The following JOSD1 variants were observed in gnomAD, a reference collection of about 807,000 sequenced individuals.
JOSD1 encodes the protein Josephin domain containing 1, also known as josephin-1.
In JOSD1, 11 loss-of-function variants were observed where a neutral mutation model predicts 24.3. The observed-to-expected ratio is 0.45, with a 90% CI of 0.29 to 0.75. The LOEUF (loss-of-function observed/expected upper bound fraction) is 0.75, where lower values mean the gene tolerates loss of function less well. JOSD1 is among the 30% of genes least tolerant of loss of function. The probability of loss-of-function intolerance (pLI) is 0.11; values close to 1 mark genes in which losing one functional copy is unlikely to be tolerated. For missense variants in JOSD1, 184 were observed against 253.5 expected (o/e 0.73, Z 1.86); for synonymous variants, 106 against 93.8 (o/e 1.13, Z -0.75).
intron 2 of JOSD1, among the ~76,000 whole-genome samples, chr22:38,693,331 G>T (rs145657930): frequency 1.1e-4 from 17 of 152,168 alleles, no homozygotes; most frequent in African/African-American, 3.9e-4. Flanking sequence ...CTCCTAACCA[G>T]AGGCTCCTTA....
At position 38,700,917 on chromosome 22, in the gene JOSD1, C is replaced by T; in HGVS notation, c.-749G>A. ...CGGTCCCCTCACCGCAGCCGGCCGC[C>T]ACCTGGAGTGCGCGCCGCCAACTGG... On this transcript the variant is annotated 5_prime_UTR_variant, in exon 1 of 5. Coordinates refer to ENST00000683374, the MANE Select transcript of JOSD1 (RefSeq NM_001360236.2). 1.0e-6 allele frequency: 1 copy of T among 984,606 alleles called. No homozygotes were observed. The highest frequency in any genetic ancestry group is 1.2e-6 in the Non-Finnish European group (1 of 829,654). The allele number at this position is 984,606 out of a possible 1,614,324, so 61.0% of individuals were successfully genotyped here. A position where few individuals can be genotyped will look rare whatever the true frequency, so the allele number is the denominator to read the frequency against.
Position 38,700,570 on chromosome 22 carries a change from G to GGGCGCGGCTCCCTCGGAA in JOSD1, c.-601_-584dup, listed in dbSNP as rs1440166901. ...CCCCTCGGGTACGGTGGGGCCCGCA[G>GGGCGCGGCTCCCTCGGAA]GGCGCGGCTCCCTCGGAAGGCGCGG... is the stretch of plus-strand genomic sequence containing the variant. On this transcript the variant is annotated 5_prime_UTR_variant, in exon 2 of 5. Coordinates refer to ENST00000683374, the MANE Select transcript of JOSD1 (RefSeq NM_001360236.2). 1.0e-6 allele frequency: 1 copy of GGGCGCGGCTCCCTCGGAA among 985,254 alleles called. No homozygotes were observed. Among genetic ancestry groups the GGGCGCGGCTCCCTCGGAA allele is most frequent in the African/African-American group, 1.7e-5 (1 of 57,248 alleles). 61.0% of individuals were successfully genotyped at this position (985,254 alleles called of 1,614,324 possible). A position where few individuals can be genotyped will look rare whatever the true frequency, so the allele number is the denominator to read the frequency against.
intron 2 of JOSD1, among the ~76,000 whole-genome samples, chr22:38,695,443 AGTTTT>A (rs2092541404): frequency 9.4e-6 from 1 of 106,554 alleles, no homozygotes; most frequent in African/African-American, 3.2e-5. Context: ...CTTTTTGCCT[AGTTTT>A]TTTTTTTTTT....
intron 2 of JOSD1, among the ~76,000 whole-genome samples, chr22:38,692,502 G>A (rs2092527135): frequency 6.6e-6 from 1 of 152,134 alleles, no homozygotes; most frequent in Admixed American, 6.6e-5. Context: ...CACACTGCCA[G>A]GTGCAGTGGC....
At position 38,687,675 on chromosome 22, in the gene JOSD1, G is replaced by A. The variant is rs2145801732; in HGVS notation, c.*227C>T. 2.4e-5 allele frequency: 12 copies of A among 494,594 alleles called. No homozygotes were observed. In the South Asian group the frequency reaches 4.4e-4, roughly 18 times the overall value. 30.6% of individuals were successfully genotyped at this position (494,594 alleles called of 1,614,324 possible). Reference sequence around the variant, plus strand: ...TCTCTTAAATAAAACAAGGGTTTGTGACCACTGGCCTTAAGTGCACAGAAC... The same window carrying A: ...TCTCTTAAATAAAACAAGGGTTTGTAACCACTGGCCTTAAGTGCACAGAAC... On this transcript the variant is annotated 3_prime_UTR_variant, in exon 5 of 5. Coordinates refer to ENST00000683374, the MANE Select transcript of JOSD1 (RefSeq NM_001360236.2).
chr22:38,690,640 T>C (rs1356342161), intron 2 of JOSD1, among the ~76,000 whole-genome samples: 1 of 152,058 alleles, frequency 6.6e-6, no homozygotes, highest in Admixed American at 6.6e-5. Context: ...CTCCTAACCT[T>C]GTGATCCACC....
rs57064558 is a variant in JOSD1 at position 38,689,912 on chromosome 22, CTGTGTGTGTGTG to C, written c.186-500_186-489del. Among the ~76,000 whole-genome samples the C allele has an allele frequency of 4.6e-4, 66 of 144,632 alleles. No individual in the cohort carries two copies. The East Asian group carries it at 6.1e-3, about 13-fold the overall frequency. 94.9% of individuals were successfully genotyped at this position (144,632 alleles called of 152,430 possible). A position where few individuals can be genotyped will look rare whatever the true frequency, so the allele number is the denominator to read the frequency against. ...AATGCACGACCCACCTAAAGGCATTCTGTGTGTGTGTGTGTGTGTGTGTGTGTGTGTGTGTAG... is the reference window on the plus strand; with the variant it reads ...AATGCACGACCCACCTAAAGGCATTCTGTGTGTGTGTGTGTGTGTGTGTAG... On this transcript the variant is annotated intron_variant, in intron 2 of 4. Transcript: ENST00000683374.
Position 38,689,146 on chromosome 22 carries a change from G to C in JOSD1, c.315-17C>G, listed in dbSNP as rs369308311. 1.8e-5 allele frequency: 29 copies of C among 1,608,942 alleles called. No individual in the cohort carries two copies. Among genetic ancestry groups the C allele is most frequent in the Non-Finnish European group, 2.3e-5 (27 of 1,176,156 alleles). On this transcript the variant is annotated splice_polypyrimidine_tract_variant and intron_variant, in intron 3 of 4. Coordinates refer to ENST00000683374, the MANE Select transcript of JOSD1 (RefSeq NM_001360236.2). The stretch of plus-strand genomic sequence containing the variant: ...CCGACATCCCTGCAGGGGAGAAATG[G>C]TGGCAGGCTCTGATGCAGCCCATTT...
chr22:38,688,765 C>T (rs915869140), intron 4 of JOSD1, among the ~76,000 whole-genome samples, 170 bp downstream of exon 4: 8 of 152,258 alleles, frequency 5.3e-5, no homozygotes, highest in South Asian at 4.1e-4. Flanking sequence ...AGTACTGATG[C>T]GCCATTGAAG....
At chr22:38,693,891 T>C (rs773753368) in intron 2 of JOSD1, among the ~76,000 whole-genome samples, 5 of 152,232 alleles carry the variant, frequency 3.3e-5, no homozygotes, top group South Asian at 2.1e-4. Context: ...ACACTAACTG[T>C]GGGATTTAAT....
chr22:38,688,092 C>T, intron 4 of JOSD1, 91 bp from the exon 5 acceptor site: 1 of 813,204 alleles, frequency 1.2e-6, no homozygotes, highest in Non-Finnish European at 2.1e-6. Context: ...TCACTCTACC[C>T]TCGGCAGTCC....
chr22:38,697,660 A>G (rs1469126828), intron 2 of JOSD1, among the ~76,000 whole-genome samples: 2 of 152,272 alleles, frequency 1.3e-5, no homozygotes, highest in Non-Finnish European at 2.9e-5. Flanking sequence ...GGCAGGTTCT[A>G]GAGTCAAAAG....
At chr22:38,691,082 T>C (rs894085657) in intron 2 of JOSD1, among the ~76,000 whole-genome samples, 1 of 151,806 alleles carries the variant, frequency 6.6e-6, no homozygotes, top group African/African-American at 2.4e-5. Flanking sequence ...CCCATGCTCC[T>C]GGCCGGGAGT....
intron 2 of JOSD1, among the ~76,000 whole-genome samples, chr22:38,696,066 GA>G (rs1227694138): frequency 1.3e-5 from 2 of 152,028 alleles, no homozygotes; most frequent in Admixed American, 6.5e-5. Context: ...CGGGTGGGGG[GA>G]AAAATCCTAT....
At chr22:38,689,945 T>TGTGC (rs1394804340) in intron 2 of JOSD1, among the ~76,000 whole-genome samples, 1 of 150,504 alleles carries the variant, frequency 6.6e-6, no homozygotes, top group African/African-American at 2.4e-5. Flanking sequence ...TGTGTGTGTG[T>TGTGC]GTAGTACTTG....
At position 38,699,963 on chromosome 22, in the gene JOSD1, CTCCTTT is replaced by C. The variant is rs746359525; in HGVS notation, c.19_24del (p.Lys7_Gly8del). ...TCCAATGATTCAGATTTGGCCTTGT[CTCCTTT>C]CCATGGCACACAACTCATGTTTTTT... On this transcript the variant is annotated inframe_deletion, in exon 2 of 5. Coordinates refer to ENST00000683374, the MANE Select transcript of JOSD1 (RefSeq NM_001360236.2). 3 of 1,610,732 alleles carry C rather than the reference CTCCTTT, an allele frequency of 1.9e-6. No individual in the cohort carries two copies. In the South Asian group the frequency reaches 3.3e-5, roughly 18 times the overall value.
At chr22:38,698,146 T>A (rs1405781011) in intron 2 of JOSD1, among the ~76,000 whole-genome samples, 1 of 152,206 alleles carries the variant, frequency 6.6e-6, no homozygotes, top group African/African-American at 2.4e-5. Flanking sequence ...GTAGGAGAAA[T>A]ACTAATGGCT....
chr22:38,689,989 C>T (rs964957403), intron 2 of JOSD1, among the ~76,000 whole-genome samples: 10 of 150,270 alleles, frequency 6.7e-5, no homozygotes, highest in Non-Finnish European at 1.2e-4. Flanking sequence ...AATAAATCAA[C>T]TGAAAAAAAA....
At position 38,685,610 on chromosome 22, in the gene JOSD1, G is replaced by A. The variant is rs745445790; in HGVS notation, c.*2292C>T. ...ACAATTATAGAATTCAGGCAGACAA[G>A]GAGACATATATGGAGTTTTCCATTT... On this transcript the variant is annotated 3_prime_UTR_variant, in exon 5 of 5. Coordinates refer to ENST00000683374, the MANE Select transcript of JOSD1 (RefSeq NM_001360236.2). 8 of 152,264 alleles carry A rather than the reference G, an allele frequency of 5.3e-5. No individual in the cohort carries two copies. 9.4% of individuals were successfully genotyped at this position (152,264 alleles called of 1,614,324 possible).
Sources: gnomAD v4.1 joint callset for allele counts (sites outside exome capture counted in the v4.1 genomes callset) on GRCh38, gnomAD v4.1.1 for gene constraint, MANE v1.5 for transcripts, NCBI Gene and HGNC (gene_info 2026-07-23, HGNC 2026-07-21) for gene names.